CSMD1: variants seen among roughly 807,000 people sequenced by gnomAD.
CSMD1 encodes the protein CUB and sushi domain-containing protein 1.
CSMD1 carries 213 observed loss-of-function variants against 417.5 expected under a neutral mutation model. The observed-to-expected ratio is 0.51, with a 90% CI of 0.46 to 0.57. The LOEUF (loss-of-function observed/expected upper bound fraction) is 0.57. Ranked by LOEUF, CSMD1 falls within the 20% of genes least tolerant of loss-of-function variation. The pLI is 0.00. For missense variants in CSMD1, 6,923 were observed against 4,529.7 expected (o/e 1.53, Z -15.17); for synonymous variants, 2,862 against 1,736.8 (o/e 1.65, Z -16.11).
chr8:4,494,434 T>C (rs1006428235), intron 2 of CSMD1, among the ~76,000 whole-genome samples: 9 of 152,216 alleles, frequency 5.9e-5, no homozygotes, highest in African/African-American at 1.7e-4. Context: ...AATTAGTTTA[T>C]CGCATATATT....
intron 3 of CSMD1, among the ~76,000 whole-genome samples, chr8:4,311,524 A>T (rs1798569499): frequency 6.6e-6 from 1 of 152,086 alleles, no homozygotes; most frequent in Non-Finnish European, 1.5e-5. Context: ...GGAGTTCGAG[A>T]CCAGCCTGAC....
At chr8:4,894,776 TTC>T (rs1433840016) in intron 1 of CSMD1, among the ~76,000 whole-genome samples, 6 of 151,830 alleles carry the variant, frequency 4.0e-5, no homozygotes, top group African/African-American at 1.2e-4. Context: ...GTATAAAATC[TTC>T]TGACTTTTAA....
chr8:3,347,136 C>T (rs573267363), intron 22 of CSMD1, among the ~76,000 whole-genome samples: 27 of 152,340 alleles, frequency 1.8e-4, no homozygotes, highest in Middle Eastern at 3.4e-3. Context: ...TTGTGTTGGG[C>T]CACAGTCAAA....
At chr8:4,412,495 C>T (rs995657240) in intron 3 of CSMD1, among the ~76,000 whole-genome samples, 7 of 152,138 alleles carry the variant, frequency 4.6e-5, no homozygotes, top group Non-Finnish European at 1.0e-4. Context: ...GTCCAGCCTG[C>T]AGAACTGTGA....
At chr8:3,630,859 A>G (rs1796750650) in intron 7 of CSMD1, among the ~76,000 whole-genome samples, 1 of 152,124 alleles carries the variant, frequency 6.6e-6, no homozygotes, top group Admixed American at 6.5e-5. Context: ...ACCAAGAGGA[A>G]ACCTCAGTTG....
At chr8:4,825,489 G>C (rs569708660) in intron 1 of CSMD1, among the ~76,000 whole-genome samples, 17 of 152,040 alleles carry the variant, frequency 1.1e-4, no homozygotes. Flanking sequence ...CCTCTTGAAA[G>C]ATCGCCCGAT....
chr8:3,786,207 G>A (rs777279743), intron 5 of CSMD1, among the ~76,000 whole-genome samples: 5 of 152,058 alleles, frequency 3.3e-5, no homozygotes, highest in African/African-American at 1.2e-4. Flanking sequence ...TGTTATTTTG[G>A]GCACGTTGGG....
At chr8:4,279,627 T>G (rs1796671431) in intron 3 of CSMD1, among the ~76,000 whole-genome samples, 1 of 152,204 alleles carries the variant, frequency 6.6e-6, no homozygotes, top group South Asian at 2.1e-4. Flanking sequence ...AATGCTTAAC[T>G]TTGGATGTGG....
intron 1 of CSMD1, among the ~76,000 whole-genome samples, chr8:4,715,139 G>C (rs190971202): frequency 3.3e-5 from 5 of 152,096 alleles, no homozygotes; most frequent in Admixed American, 6.6e-5. Flanking sequence ...TAAGATTAAC[G>C]TAACTATAAA....
chr8:4,477,796 G>A (rs974901186), intron 2 of CSMD1, among the ~76,000 whole-genome samples: 1 of 152,148 alleles, frequency 6.6e-6, no homozygotes, highest in African/African-American at 2.4e-5. Context: ...TATTAAGGTG[G>A]CTACAGATTT....
chr8:4,040,628 T>C (rs1797837469), intron 3 of CSMD1, among the ~76,000 whole-genome samples: 1 of 152,170 alleles, frequency 6.6e-6, no homozygotes, highest in South Asian at 2.1e-4. Flanking sequence ...GATGTTTTCT[T>C]AGGTAGAATG....
rs902867696 is a variant in CSMD1 at position 4,422,720 on chromosome 8, A to G, written c.303-2655T>C. Among the ~76,000 whole-genome samples, 3 of 152,272 alleles carry G rather than the reference A, an allele frequency of 2.0e-5. No homozygotes were observed. In the South Asian group the frequency reaches 6.2e-4, roughly 32 times the overall value. On this transcript the variant is annotated intron_variant, in intron 2 of 69. Transcript: ENST00000635120. ...TAAGACACTCTAATATCAAAACCAG[A>G]TAAACACAGAAAAAAGAAAAATAAA...
chr8:4,308,608 T>G (rs1457723383), intron 3 of CSMD1, among the ~76,000 whole-genome samples: 1 of 152,198 alleles, frequency 6.6e-6, no homozygotes, highest in Admixed American at 6.5e-5. Context: ...TGGAGAGAAT[T>G]TGTTAAGCCT....
At chr8:3,713,562 G>C (rs978524495) in intron 6 of CSMD1, among the ~76,000 whole-genome samples, 1 of 152,006 alleles carries the variant, frequency 6.6e-6, no homozygotes, top group African/African-American at 2.4e-5. Context: ...GAACTTCCAA[G>C]ACCTCTCTTA....
intron 11 of CSMD1, among the ~76,000 whole-genome samples, chr8:3,481,026 G>A (rs910998162): frequency 1.3e-5 from 2 of 151,424 alleles, no homozygotes; most frequent in African/African-American, 2.4e-5. Flanking sequence ...CGTGGTGGCA[G>A]GCACCTGTAG....
At chr8:4,543,010 G>A (rs988683972) in intron 2 of CSMD1, among the ~76,000 whole-genome samples, 1 of 152,102 alleles carries the variant, frequency 6.6e-6, no homozygotes, top group Non-Finnish European at 1.5e-5. Flanking sequence ...ATATTTTAGA[G>A]TAGGTTTAAG....
intron 1 of CSMD1, among the ~76,000 whole-genome samples, chr8:4,930,187 C>T (rs992044818): frequency 1.3e-5 from 2 of 152,150 alleles, no homozygotes; most frequent in Admixed American, 6.5e-5. Flanking sequence ...CATGGACAGA[C>T]GTTCTCCAAT....
chr8:3,161,747 C>T (rs1819911597), intron 38 of CSMD1, among the ~76,000 whole-genome samples: 1 of 151,872 alleles, frequency 6.6e-6, no homozygotes. Flanking sequence ...ATCTACCTAG[C>T]CCAAAGAGGG....
rs1253311175 is a variant in CSMD1, at chr8:3,679,245, G to A, written c.1009+29169C>T. Among the ~76,000 whole-genome samples the A allele has an allele frequency of 2.0e-5, 3 of 152,252 alleles. No homozygotes were observed. The East Asian group carries it at 5.8e-4, about 29-fold the overall frequency. ...ATTACAAGACGCAGACTGGCAAATTGGATAAAGAGTCAAGACCCATCAGTG... is the reference window on the plus strand; with the variant it reads ...ATTACAAGACGCAGACTGGCAAATTAGATAAAGAGTCAAGACCCATCAGTG... On this transcript the variant is annotated intron_variant, in intron 7 of 69. Coordinates refer to ENST00000635120, the MANE Select transcript of CSMD1 (RefSeq NM_033225.6).
Sources: gnomAD v4.1 joint callset for allele counts (sites outside exome capture counted in the v4.1 genomes callset) on GRCh38, gnomAD v4.1.1 for gene constraint, MANE v1.5 for transcripts, NCBI Gene and HGNC (gene_info 2026-07-23, HGNC 2026-07-21) for gene names.